The following MAP7 variants were observed in gnomAD, a reference collection of about 807,000 sequenced individuals.
MAP7 encodes microtubule associated protein 7.
MAP7 carries 52 observed loss-of-function variants against 94.8 expected under a neutral mutation model. That is an observed-to-expected ratio of 0.55 (90% CI 0.44 to 0.69). The LOEUF (loss-of-function observed/expected upper bound fraction) is 0.69. Ranked by LOEUF, MAP7 falls within the 30% of genes least tolerant of loss-of-function variation. MAP7 has a pLI of 0.00. For missense variants in MAP7, 940 were observed against 964.6 expected (o/e 0.97, Z 0.34); for synonymous variants, 350 against 357.0 (o/e 0.98, Z 0.22).
intron 1 of MAP7, among the ~76,000 whole-genome samples, chr6:136,532,271 T>C (rs538854375): frequency 5.9e-5 from 9 of 152,298 alleles, no homozygotes; most frequent in African/African-American, 2.2e-4. Flanking sequence ...CTGGTCCTCA[T>C]ACTACATGGT....
rs545523744 is a variant in MAP7 at position 136,394,152 on chromosome 6, T to A, written c.245-4635A>T. ...GCGCGTGCCACCATACCCAGCTAAT[T>A]TTTGGTATTTTTAATAGAGACGGGG... On this transcript the variant is annotated intron_variant, in intron 3 of 17. Transcript: ENST00000354570. Among the ~76,000 whole-genome samples, 3 of 151,858 alleles carry A rather than the reference T, an allele frequency of 2.0e-5. No homozygotes were observed. The South Asian group carries it at 6.2e-4, about 32-fold the overall frequency.
intron 16 of MAP7, among the ~76,000 whole-genome samples, chr6:136,353,486 T>C (rs1352134203): frequency 6.6e-6 from 1 of 152,212 alleles, no homozygotes; most frequent in East Asian, 1.9e-4. Flanking sequence ...CAGTACCATA[T>C]GTATATTACC....
chr6:136,353,585 G>C (rs1454861264), intron 16 of MAP7, among the ~76,000 whole-genome samples: 1 of 152,064 alleles, frequency 6.6e-6, no homozygotes, highest in Non-Finnish European at 1.5e-5. Flanking sequence ...ACAGGGTCTC[G>C]CTCTGTCACT....
intron 11 of MAP7, 118 bp from the exon 12 acceptor site, chr6:136,361,297 C>G (rs1792697058): frequency 1.0e-6 from 1 of 984,446 alleles, no homozygotes; most frequent in African/African-American, 1.6e-5. Flanking sequence ...GAAAAATCCC[C>G]ACTGGATGCC....
intron 6 of MAP7, among the ~76,000 whole-genome samples, chr6:136,382,210 T>C (rs143572437): frequency 2.9e-3 from 435 of 152,312 alleles, no homozygotes; most frequent in African/African-American, 8.8e-3. Flanking sequence ...ATACAGACAA[T>C]TCAATGTCAT....
At chr6:136,526,294 C>T (rs1198191190) in intron 1 of MAP7, 1 of 1,040,536 alleles carries the variant, frequency 9.6e-7, no homozygotes, top group Non-Finnish European at 1.2e-6. Flanking sequence ...CACACACACA[C>T]ACACACTCCT....
chr6:136,497,536 A>G (rs1029499309), intron 1 of MAP7, among the ~76,000 whole-genome samples: 1 of 151,674 alleles, frequency 6.6e-6, no homozygotes, highest in Non-Finnish European at 1.5e-5. Context: ...AAAAAAAAAA[A>G]AAATGCAGAT....
At chr6:136,514,870 A>T (rs974964094) in intron 1 of MAP7, among the ~76,000 whole-genome samples, 1 of 152,100 alleles carries the variant, frequency 6.6e-6, no homozygotes, top group Admixed American at 6.6e-5. Context: ...ATTGGCTTCA[A>T]CTCCAAGTCA....
At chr6:136,537,260 A>T (rs1432638413) in intron 1 of MAP7, among the ~76,000 whole-genome samples, 1 of 152,170 alleles carries the variant, frequency 6.6e-6, no homozygotes, top group African/African-American at 2.4e-5. Flanking sequence ...TCCATTTTAG[A>T]CACAGCTGGG....
intron 1 of MAP7, among the ~76,000 whole-genome samples, chr6:136,446,981 A>G (rs901054027): frequency 7.2e-5 from 11 of 152,126 alleles, no homozygotes; most frequent in Admixed American, 2.0e-4. Flanking sequence ...CCCCACAAAC[A>G]TTTCTGGGTA....
rs1224205899 is a variant in MAP7, at chr6:136,345,940, A to G, written c.2155T>C (p.Leu719=). The G allele has an allele frequency of 6.2e-7, 1 of 1,614,156 alleles. No individual in the cohort carries two copies. The highest frequency in any genetic ancestry group is 1.7e-5 in the Admixed American group (1 of 60,024). Residue 719 remains leucine (L), a synonymous_variant, in exon 17 of 18, where the codon TTG becomes CTG. Transcript: ENST00000354570. Reference sequence around the variant, plus strand: ...TCATCAAAGGCCAAAATTGGATTCAAAGGAATTTCTGGGCTCTCACTGTTG... The same window carrying G: ...TCATCAAAGGCCAAAATTGGATTCAGAGGAATTTCTGGGCTCTCACTGTTG... The part of the protein sequence containing the change: ...VTNSESPEIP[L]NPILAFDDEG...
intron 8 of MAP7, among the ~76,000 whole-genome samples, chr6:136,370,250 A>G (rs1774035193): frequency 6.6e-6 from 1 of 152,252 alleles, no homozygotes; most frequent in Non-Finnish European, 1.5e-5. Flanking sequence ...GGTGGCTGTT[A>G]TCAAAAAACA....
chr6:136,534,640 A>G (rs1377753876), intron 1 of MAP7, among the ~76,000 whole-genome samples: 1 of 152,218 alleles, frequency 6.6e-6, no homozygotes, highest in African/African-American at 2.4e-5. Context: ...ATTTACTCAG[A>G]TAATTTTCCA....
chr6:136,380,267 A>G lies in MAP7; in HGVS notation c.638-2399T>C, dbSNP rs62431303. On this transcript the variant is annotated intron_variant, in intron 6 of 17. Transcript: ENST00000354570. ...AAACTTTATGGATACCTGCCTTACCACTTCCTCCCATAAGCGTGACATCAC... is the reference window on the plus strand; with the variant it reads ...AAACTTTATGGATACCTGCCTTACCGCTTCCTCCCATAAGCGTGACATCAC... 5.8e-4 allele frequency among the ~76,000 whole-genome samples: 88 copies of G among 152,168 alleles called. 1 individual carries two copies. The highest frequency in any genetic ancestry group is 1.1e-3 in the Non-Finnish European group (75 of 68,026).
chr6:136,348,141 G>C (rs895446804), intron 16 of MAP7, among the ~76,000 whole-genome samples: 3 of 151,980 alleles, frequency 2.0e-5, no homozygotes, highest in African/African-American at 7.3e-5. Flanking sequence ...AAACAATTTT[G>C]GTTCTTAATA....
chr6:136,381,713 C>T (rs933145257), intron 6 of MAP7, among the ~76,000 whole-genome samples: 4 of 151,948 alleles, frequency 2.6e-5, no homozygotes, highest in East Asian at 3.9e-4. Flanking sequence ...TCAAATCTAG[C>T]GTTCTCCCTC....
At chr6:136,420,704 C>T (rs1454588453) in intron 2 of MAP7, among the ~76,000 whole-genome samples, 1 of 152,106 alleles carries the variant, frequency 6.6e-6, no homozygotes, top group Non-Finnish European at 1.5e-5. Flanking sequence ...TGAGACTGCA[C>T]ATCATTTTCC....
chr6:136,424,416 C>T (rs1792499659), intron 1 of MAP7, among the ~76,000 whole-genome samples: 1 of 151,932 alleles, frequency 6.6e-6, no homozygotes, highest in African/African-American at 2.4e-5. Context: ...GATTATCCTG[C>T]TAGCTTGAAA....
At chr6:136,475,151 C>T (rs979969097) in intron 1 of MAP7, among the ~76,000 whole-genome samples, 1 of 152,162 alleles carries the variant, frequency 6.6e-6, no homozygotes. Flanking sequence ...AAAGCTTTAA[C>T]TGCAGATTAG....
Sources: allele counts gnomAD v4.1 joint callset (sites outside exome capture counted in the v4.1 genomes callset), GRCh38; gene constraint gnomAD v4.1.1; transcripts MANE v1.5; gene names NCBI Gene and HGNC (gene_info 2026-07-23, HGNC 2026-07-21).